Variants in KIRREL3 observed in about 807,000 individuals in gnomAD.
KIRREL3 encodes kirre like nephrin family adhesion molecule 3.
KIRREL3 carries 36 observed loss-of-function variants against 89.7 expected under a neutral mutation model. The ratio of observed to expected loss-of-function variants is 0.40; its 90% CI spans 0.31 to 0.53. The LOEUF is 0.53. Among genes scored for constraint, KIRREL3 ranks in the 20% least tolerant of loss-of-function variants. The pLI is 0.49. For synonymous variants in KIRREL3, 445 were observed against 441.4 expected (o/e 1.01, Z -0.10); for missense variants, 864 against 1,056.6 (o/e 0.82, Z 2.53).
At chr11:126,907,524 G>A (rs74779088) in intron 1 of KIRREL3, among the ~76,000 whole-genome samples, 1,643 of 152,292 alleles carry the variant, frequency 0.011, 29 homozygotes, top group African/African-American at 0.037. Flanking sequence ...TTTTGCTGGA[G>A]GGACAGGTTG....
At chr11:126,889,619 G>A (rs1457875081) in intron 1 of KIRREL3, among the ~76,000 whole-genome samples, 2 of 152,154 alleles carry the variant, frequency 1.3e-5, no homozygotes, top group African/African-American at 2.4e-5. Context: ...TATATTACAG[G>A]CCACATCAGG....
intron 1 of KIRREL3, among the ~76,000 whole-genome samples, chr11:126,753,189 G>C (rs891737625): frequency 6.6e-6 from 1 of 152,174 alleles, no homozygotes; most frequent in Admixed American, 6.5e-5. Context: ...TGAAATCTTG[G>C]TAGATGTTTG....
rs1316716998 is a variant in KIRREL3, at chr11:126,990,471, C to A, written c.55+9984G>T. Among the ~76,000 whole-genome samples, 3 of 151,450 alleles carry A rather than the reference C, an allele frequency of 2.0e-5. No homozygotes were observed. In the East Asian group the frequency reaches 6.0e-4, roughly 30 times the overall value. On this transcript the variant is annotated intron_variant, in intron 1 of 16. Transcript: ENST00000525144. The surrounding 1 kb of genome is among the most constrained non-coding windows in gnomAD (Gnocchi z 6.3). ...TTCCCAGCTCCCGGCAGCCACTAGG[C>A]TTTCCCCTTCCCCGTCCTAAGGGAC...
At chr11:126,821,329 G>GT (rs562155382) in intron 1 of KIRREL3, among the ~76,000 whole-genome samples, 1 of 103,490 alleles carries the variant, frequency 9.7e-6, no homozygotes, top group African/African-American at 5.0e-5. Flanking sequence ...GATAAACACA[G>GT]TATATATATA....
intron 1 of KIRREL3, among the ~76,000 whole-genome samples, chr11:126,864,276 C>T (rs1005689925): frequency 2.0e-5 from 3 of 152,178 alleles, no homozygotes; most frequent in Admixed American, 1.3e-4. Flanking sequence ...CACTCCATCC[C>T]AGGATCTCTG....
Position 126,539,505 on chromosome 11 carries a change from T to G in KIRREL3, c.134-12818A>C, listed in dbSNP as rs11824681. Among the ~76,000 whole-genome samples the G allele has an allele frequency of 4.6e-3, 694 of 152,240 alleles. 5 individuals carry two copies. Among genetic ancestry groups the G allele is most frequent in the African/African-American group, 0.016 (657 of 41,548 alleles). On this transcript the variant is annotated intron_variant, in intron 2 of 16. Transcript: ENST00000525144. Reference sequence around the variant, plus strand: ...AGACAGGGAGACTGATCAGCAAGGTTTTGCTGTCATGAGGACTCAGGCTAA... The same window carrying G: ...AGACAGGGAGACTGATCAGCAAGGTGTTGCTGTCATGAGGACTCAGGCTAA...
At chr11:126,964,280 T>C (rs992596707) in intron 1 of KIRREL3, among the ~76,000 whole-genome samples, 1 of 152,192 alleles carries the variant, frequency 6.6e-6, no homozygotes, top group Non-Finnish European at 1.5e-5. Flanking sequence ...TGTTCCATCA[T>C]GAAGAGTGTT....
Position 126,729,533 on chromosome 11 carries a change from A to T in KIRREL3, c.56-166621T>A, listed in dbSNP as rs534287015. 6.6e-6 allele frequency among the ~76,000 whole-genome samples: 1 copy of T among 152,302 alleles called. No homozygotes were observed. Among genetic ancestry groups the T allele is most frequent in the South Asian group, 2.1e-4 (1 of 4,816 alleles). On this transcript the variant is annotated intron_variant, in intron 1 of 16. Coordinates refer to ENST00000525144, the MANE Select transcript of KIRREL3 (RefSeq NM_032531.4). This position sits in a 1 kb window ranked among gnomAD's most constrained non-coding sequence, Gnocchi z 4.5. Reference sequence around the variant, plus strand: ...TCCTTTGCAGCCTCAGGGAGTGATTACCTGCAATATGCCAGGGTACTGTCC... The same window carrying T: ...TCCTTTGCAGCCTCAGGGAGTGATTTCCTGCAATATGCCAGGGTACTGTCC...
upstream of KIRREL3, among the ~76,000 whole-genome samples, chr11:127,001,423 A>C (rs921811913): frequency 6.6e-6 from 1 of 151,844 alleles, no homozygotes; most frequent in African/African-American, 2.4e-5. Context: ...TAGGCTTGTG[A>C]CACACACCCA....
rs1203008603 is a variant in KIRREL3, at chr11:126,703,929, C to A, written c.56-141017G>T. Among the ~76,000 whole-genome samples, 2 of 131,680 alleles carry A rather than the reference C, an allele frequency of 1.5e-5. No individual in the cohort carries two copies. Among genetic ancestry groups the A allele is most frequent in the African/African-American group, 5.9e-5 (2 of 33,616 alleles). 86.4% of individuals were successfully genotyped at this position (131,680 alleles called of 152,430 possible). ...ACATCTACATACCTTGCATTCCTCC[C>A]CTTTCACAGAAAGGAAGAAGAAATG... On this transcript the variant is annotated intron_variant, in intron 1 of 16. Transcript: ENST00000525144. The surrounding 1 kb of genome is among the most constrained non-coding windows in gnomAD (Gnocchi z 4.6).
At chr11:126,446,714 C>T (rs1482545137) in intron 9 of KIRREL3, 45 bp downstream of exon 9, 5 of 1,565,800 alleles carry the variant, frequency 3.2e-6, no homozygotes, top group Admixed American at 1.8e-5. Flanking sequence ...TCCACTGTCC[C>T]CGCCCCCTGC....
chr11:126,698,744 C>T (rs1253718958), intron 1 of KIRREL3, among the ~76,000 whole-genome samples: 1 of 152,230 alleles, frequency 6.6e-6, no homozygotes, highest in Non-Finnish European at 1.5e-5. Flanking sequence ...CTGCCCAGCG[C>T]CCAAATCCAG....
intron 1 of KIRREL3, among the ~76,000 whole-genome samples, chr11:126,585,628 C>G (rs1018688539): frequency 6.6e-6 from 1 of 152,196 alleles, no homozygotes. Context: ...AGCAGCGGAC[C>G]GGATAGGAAA....
Position 126,626,981 on chromosome 11 carries a change from C to A in KIRREL3, c.56-64069G>T, listed in dbSNP as rs867263213. On this transcript the variant is annotated intron_variant, in intron 1 of 16. Transcript: ENST00000525144. ...CACCATTGCACTCCAGCCTGGGCCA[C>A]AAGAGTGAAACACTGTCTCAAGAAA... Among the ~76,000 whole-genome samples, 6 of 145,194 alleles carry A rather than the reference C, an allele frequency of 4.1e-5. No individual in the cohort carries two copies. The South Asian group carries it at 8.8e-4, about 21-fold the overall frequency.
intron 1 of KIRREL3, among the ~76,000 whole-genome samples, chr11:126,963,623 A>G (rs1012796524): frequency 2.0e-5 from 3 of 152,204 alleles, no homozygotes; most frequent in African/African-American, 7.2e-5. Context: ...TAAACACAGC[A>G]GGCATGCTAT....
At chr11:126,925,754 G>A (rs2135022688) in intron 1 of KIRREL3, among the ~76,000 whole-genome samples, 1 of 152,272 alleles carries the variant, frequency 6.6e-6, no homozygotes, top group African/African-American at 2.4e-5. Flanking sequence ...ACTTCTCTCT[G>A]GCCACAGGTG....
intron 1 of KIRREL3, among the ~76,000 whole-genome samples, chr11:126,910,153 C>G (rs1441929788): frequency 6.6e-6 from 1 of 152,280 alleles, no homozygotes; most frequent in East Asian, 1.9e-4. Flanking sequence ...ACAGCTCAAT[C>G]TTCTACTCCC....
intron 2 of KIRREL3, among the ~76,000 whole-genome samples, chr11:126,559,112 C>T (rs78542191): frequency 5.3e-5 from 8 of 152,214 alleles, no homozygotes; most frequent in African/African-American, 1.2e-4. Flanking sequence ...CCTGCTTCCA[C>T]GACTTGCCTG....
chr11:126,456,502 A>T (rs375834868), intron 6 of KIRREL3, 48 bp from the exon 7 acceptor site: 4 of 1,269,200 alleles, frequency 3.2e-6, no homozygotes, highest in Non-Finnish European at 4.4e-6. Flanking sequence ...GAATGGGGGC[A>T]GGGAGATCCT....
Sources: allele counts gnomAD v4.1 joint callset (sites outside exome capture counted in the v4.1 genomes callset), GRCh38; gene constraint gnomAD v4.1.1; non-coding constraint Gnocchi (gnomAD v3.1); transcripts MANE v1.5; gene names NCBI Gene and HGNC (gene_info 2026-07-23, HGNC 2026-07-21).